Variants in TLE7 observed in about 807,000 individuals in gnomAD.
The protein encoded by TLE7 is TLE family member 7, also known as transducin-like enhancer protein 7.
chr16:71,441,460 T>A (rs1300719639), intron 1 of TLE7, among the ~76,000 whole-genome samples: 1 of 152,166 alleles, frequency 6.6e-6, no homozygotes, highest in Non-Finnish European at 1.5e-5. Flanking sequence ...GCTTGCTAGG[T>A]TAGGGACCCG....
intron 1 of TLE7, among the ~76,000 whole-genome samples, chr16:71,434,015 C>T (rs753479739): frequency 6.6e-6 from 1 of 152,110 alleles, no homozygotes; most frequent in Non-Finnish European, 1.5e-5. Flanking sequence ...AGGGCTCATA[C>T]CTAAGCTAAA....
At chr16:71,432,561 C>G (rs189812347) in intron 4 of TLE7, 104 bp downstream of exon 4, 5 of 398,248 alleles carry the variant, frequency 1.3e-5, no homozygotes, top group Non-Finnish European at 2.2e-5. Flanking sequence ...GAGCCCAGGA[C>G]ACCCCCCTAC....
chr16:71,430,899 C>G (rs2042799547), intron 8 of TLE7, among the ~76,000 whole-genome samples, 158 bp from the exon 9 acceptor site: 1 of 152,160 alleles, frequency 6.6e-6, no homozygotes, highest in African/African-American at 2.4e-5. Flanking sequence ...CTTCCCCCAC[C>G]CTCCTACCAC....
intron 1 of TLE7, among the ~76,000 whole-genome samples, chr16:71,436,027 C>T (rs144358188): frequency 1.3e-5 from 2 of 152,284 alleles, no homozygotes; most frequent in Non-Finnish European, 2.9e-5. Flanking sequence ...TCAGTATCAC[C>T]GATTCCCTTC....
At chr16:71,441,044 A>C (rs1045011134) in intron 1 of TLE7, among the ~76,000 whole-genome samples, 3 of 152,108 alleles carry the variant, frequency 2.0e-5, no homozygotes, top group African/African-American at 7.2e-5. Context: ...TGCCATGGGA[A>C]GTTTGCATTC....
chr16:71,439,997 A>G (rs1395953806), intron 1 of TLE7, among the ~76,000 whole-genome samples: 1 of 152,252 alleles, frequency 6.6e-6, no homozygotes, highest in Non-Finnish European at 1.5e-5. Context: ...TGGTGTAAAT[A>G]TACAACGGAG....
intron 1 of TLE7, among the ~76,000 whole-genome samples, chr16:71,441,727 GC>G (rs1381736327): frequency 1.3e-5 from 2 of 152,234 alleles, no homozygotes; most frequent in South Asian, 2.1e-4. Flanking sequence ...CCGCTCCCCT[GC>G]CCCCTTCCAG....
At chr16:71,430,966 C>G (rs2042800020) in intron 8 of TLE7, among the ~76,000 whole-genome samples, 155 bp downstream of exon 8, 1 of 152,182 alleles carries the variant, frequency 6.6e-6, no homozygotes, top group Admixed American at 6.5e-5. Context: ...GGGTTCACGC[C>G]TCTTCAGTCT....
rs1414655047 is a variant in TLE7, at chr16:71,435,278, CCACG to C, written c.-96-1862_-96-1859del. Among the ~76,000 whole-genome samples, 19 of 152,164 alleles carry C rather than the reference CCACG, an allele frequency of 1.2e-4. No homozygotes were observed. In the East Asian group the frequency reaches 3.5e-3, roughly 28 times the overall value. Reference sequence around the variant, plus strand: ...CTACAAAAATTAGCCAGGTGTGGTGCCACGCACCTGTAATCCCAGCTACTCAGGA... The same window carrying C: ...CTACAAAAATTAGCCAGGTGTGGTGCCACCTGTAATCCCAGCTACTCAGGA... On this transcript the variant is annotated intron_variant, in intron 1 of 9. Coordinates refer to ENST00000561754, the MANE Select transcript of TLE7 (RefSeq NM_001367365.2).
Position 71,431,746 on chromosome 16 carries a change from G to A in TLE7, c.851+15C>T. The A allele has an allele frequency of 2.5e-6, 1 of 400,660 alleles. No homozygotes were observed. The highest frequency in any genetic ancestry group is 3.6e-5 in the East Asian group (1 of 28,082). The allele number at this position is 400,660 out of a possible 1,614,324, so 24.8% of individuals were successfully genotyped here. Reference sequence around the variant, plus strand: ...CCCCCAGGTACACCTGAGTGGCTCTGGAGAGAGGTCATACCTGATCAAGAT... The same window carrying A: ...CCCCCAGGTACACCTGAGTGGCTCTAGAGAGAGGTCATACCTGATCAAGAT... On this transcript the variant is annotated intron_variant, in intron 6 of 9. Transcript: ENST00000561754. This position sits in a 1 kb window ranked among gnomAD's most constrained non-coding sequence, Gnocchi z 4.5.
At chr16:71,438,334 C>T (rs1179544671) in intron 1 of TLE7, among the ~76,000 whole-genome samples, 2 of 147,190 alleles carry the variant, frequency 1.4e-5, no homozygotes, top group Non-Finnish European at 3.0e-5. Flanking sequence ...GAGGCTGAGG[C>T]AGGAGAATCA....
chr16:71,441,591 C>T (rs551157979), intron 1 of TLE7, among the ~76,000 whole-genome samples: 5 of 152,362 alleles, frequency 3.3e-5, no homozygotes, highest in African/African-American at 1.2e-4. Context: ...TCCCGCGCTC[C>T]CGGAAAGCGG....
At chr16:71,432,943 C>A (rs963525524) in intron 2 of TLE7, 51 bp from the exon 3 acceptor site, 26 of 399,368 alleles carry the variant, frequency 6.5e-5, no homozygotes, top group African/African-American at 5.1e-4. Context: ...AGCCACAGAG[C>A]TTCCTGCTGG....
chr16:71,439,150 C>T (rs1485571873), intron 1 of TLE7, among the ~76,000 whole-genome samples: 1 of 152,128 alleles, frequency 6.6e-6, no homozygotes, highest in Non-Finnish European at 1.5e-5. Flanking sequence ...AAACTGACCA[C>T]TGAACTGGAG....
chr16:71,431,402 G>A lies in TLE7; in HGVS notation c.993+19C>T. 2.5e-6 allele frequency: 1 copy of A among 400,526 alleles called. No individual in the cohort carries two copies. Among genetic ancestry groups the A allele is most frequent in the Non-Finnish European group, 4.4e-6 (1 of 226,296 alleles). The allele number at this position is 400,526 out of a possible 1,614,324, so 24.8% of individuals were successfully genotyped here. On this transcript the variant is annotated intron_variant, in intron 7 of 9. Transcript: ENST00000561754. This position sits in a 1 kb window ranked among gnomAD's most constrained non-coding sequence, Gnocchi z 4.5. Reference sequence around the variant, plus strand: ...CTCCACTACAGGTGGCATTCTGCCAGTGGTGGCCAGCCGGGCACCTCATTC... The same window carrying A: ...CTCCACTACAGGTGGCATTCTGCCAATGGTGGCCAGCCGGGCACCTCATTC...
chr16:71,435,040 C>T (rs558267785), intron 1 of TLE7, among the ~76,000 whole-genome samples: 1 of 152,276 alleles, frequency 6.6e-6, no homozygotes, highest in African/African-American at 2.4e-5. Context: ...CTGGCCAATG[C>T]CCAAATGGCC....
In TLE7 at chr16:71,431,910, G is replaced by A. The variant is rs2042805814; in HGVS notation, c.702C>T (p.Asp234=). ...GGASQAVTLW[D]LAPTPQVRAQ... ...CCCTGACCTGGGGGGTGGGTGCCAAGTCCCAGAGAGTCACGGCCTGGGACG... is the reference window on the plus strand; with the variant it reads ...CCCTGACCTGGGGGGTGGGTGCCAAATCCCAGAGAGTCACGGCCTGGGACG... Residue 234 remains aspartate, a synonymous_variant, in exon 6 of 10, where the codon GAC becomes GAT. Coordinates refer to ENST00000561754, the MANE Select transcript of TLE7 (RefSeq NM_001367365.2). This position sits in a 1 kb window ranked among gnomAD's most constrained non-coding sequence, Gnocchi z 4.5. 2.5e-6 allele frequency: 1 copy of A among 400,656 alleles called. No homozygotes were observed. The highest frequency in any genetic ancestry group is 2.1e-5 in the African/African-American group (1 of 48,678). The allele number at this position is 400,656 out of a possible 1,614,324, so 24.8% of individuals were successfully genotyped here.
At chr16:71,432,425 C>T in intron 4 of TLE7, 100 bp from the exon 5 acceptor site, 1 of 396,556 alleles carries the variant, frequency 2.5e-6, no homozygotes, top group Non-Finnish European at 4.4e-6. Context: ...CCCACCCATC[C>T]ACCCACCCAA....
At chr16:71,439,832 T>G (rs965275763) in intron 1 of TLE7, among the ~76,000 whole-genome samples, 3 of 152,320 alleles carry the variant, frequency 2.0e-5, no homozygotes, top group East Asian at 1.9e-4. Flanking sequence ...AGAGTTAACA[T>G]GTGACCCAGC....
Sources: gnomAD v4.1 joint callset for allele counts (sites outside exome capture counted in the v4.1 genomes callset) on GRCh38, gnomAD v4.1.1 for gene constraint, Gnocchi (gnomAD v3.1) non-coding constraint, MANE v1.5 for transcripts, NCBI Gene and HGNC (gene_info 2026-07-23, HGNC 2026-07-21) for gene names.